SLC44A1: variants seen among roughly 807,000 people sequenced by gnomAD.
SLC44A1 encodes the protein solute carrier family 44 member 1.
A neutral mutation model predicts 79.3 loss-of-function variants in SLC44A1; 26 were observed. That is an observed-to-expected ratio of 0.33 (90% CI 0.24 to 0.46). The LOEUF is 0.46. SLC44A1 is among the 20% of genes least tolerant of loss of function. SLC44A1 has a pLI of 1.00. For missense variants in SLC44A1, 688 were observed against 798.1 expected (o/e 0.86, Z 1.66); for synonymous variants, 263 against 286.2 (o/e 0.92, Z 0.82).
chr9:105,385,003 T>G (rs1265250027), intron 14 of SLC44A1, among the ~76,000 whole-genome samples: 1 of 152,236 alleles, frequency 6.6e-6, no homozygotes, highest in Non-Finnish European at 1.5e-5. Context: ...TTCTTTTACC[T>G]TCTATGGTTA....
chr9:105,278,072 T>C (rs1488523991), intron 1 of SLC44A1, among the ~76,000 whole-genome samples: 2 of 152,064 alleles, frequency 1.3e-5, no homozygotes, highest in Admixed American at 6.5e-5. Context: ...CCTTCTTTTT[T>C]TTTTTTTAAG....
At chr9:105,354,910 C>G (rs189213002) in intron 5 of SLC44A1, among the ~76,000 whole-genome samples, 117 of 152,302 alleles carry the variant, frequency 7.7e-4, no homozygotes, top group African/African-American at 2.8e-3. Flanking sequence ...GATTAGAAAC[C>G]TTGTAGTGCC....
chr9:105,389,398 T>C lies in SLC44A1; in HGVS notation c.*342T>C. The C allele has an allele frequency of 2.9e-6, 3 of 1,048,388 alleles. No individual in the cohort carries two copies. Among genetic ancestry groups the C allele is most frequent in the Non-Finnish European group, 3.5e-6 (3 of 868,248 alleles). The allele number at this position is 1,048,388 out of a possible 1,614,324, so 64.9% of individuals were successfully genotyped here. On this transcript the variant is annotated 3_prime_UTR_variant, in exon 16 of 16. Coordinates refer to ENST00000374720, the MANE Select transcript of SLC44A1 (RefSeq NM_080546.5). ...AATAACTTAGAGGAGATTTTAACTTTATTTAAAAATAGGTAAAATTATTGT... is the reference window on the plus strand; with the variant it reads ...AATAACTTAGAGGAGATTTTAACTTCATTTAAAAATAGGTAAAATTATTGT...
At chr9:105,356,188 G>A (rs182440063) in intron 5 of SLC44A1, 24 bp from the exon 6 acceptor site, 4 of 1,594,916 alleles carry the variant, frequency 2.5e-6, no homozygotes, top group Admixed American at 1.8e-5. Context: ...TTTTTTTTCT[G>A]ATTTTTTTTT....
At chr9:105,298,337 TG>T (rs1830784142) in intron 1 of SLC44A1, among the ~76,000 whole-genome samples, 3 of 146,988 alleles carry the variant, frequency 2.0e-5, no homozygotes, top group African/African-American at 8.2e-5. Flanking sequence ...ATCCCGTTTT[TG>T]TTGTTGTTGT....
At chr9:105,335,896 T>G (rs1588796207) in intron 4 of SLC44A1, among the ~76,000 whole-genome samples, 197 bp downstream of exon 4, 1 of 152,274 alleles carries the variant, frequency 6.6e-6, no homozygotes, top group East Asian at 1.9e-4. Flanking sequence ...CTGGGCAAAA[T>G]TCTGACTGAG....
chr9:105,345,896 A>G (rs746950818), intron 4 of SLC44A1, among the ~76,000 whole-genome samples: 2 of 151,432 alleles, frequency 1.3e-5, no homozygotes, highest in Non-Finnish European at 2.9e-5. Context: ...TTCATTACTC[A>G]TGTATAACTT....
At chr9:105,291,944 A>C (rs1830609903) in intron 1 of SLC44A1, among the ~76,000 whole-genome samples, 1 of 152,162 alleles carries the variant, frequency 6.6e-6, no homozygotes, top group African/African-American at 2.4e-5. Context: ...TAATACTTTT[A>C]TACCTCCCAG....
intron 3 of SLC44A1, among the ~76,000 whole-genome samples, chr9:105,320,984 G>A (rs1005500459): frequency 3.3e-5 from 5 of 152,192 alleles, no homozygotes; most frequent in Admixed American, 3.3e-4. Context: ...TGTTAGGTAA[G>A]TGTTTTGCAA....
intron 2 of SLC44A1, among the ~76,000 whole-genome samples, chr9:105,300,295 A>G (rs745733476): frequency 2.1e-4 from 32 of 152,182 alleles, no homozygotes; most frequent in Non-Finnish European, 2.8e-4. Flanking sequence ...CTGCAGATAC[A>G]TTATTGCTCT....
chr9:105,264,058 G>T (rs1023736911), intron 1 of SLC44A1, among the ~76,000 whole-genome samples: 1 of 152,138 alleles, frequency 6.6e-6, no homozygotes, highest in Non-Finnish European at 1.5e-5. Context: ...AGATTGAGCT[G>T]TCTTCCAACA....
chr9:105,315,814 C>T (rs974635351), intron 3 of SLC44A1, among the ~76,000 whole-genome samples: 4 of 152,166 alleles, frequency 2.6e-5, no homozygotes, highest in Non-Finnish European at 5.9e-5. Context: ...CAGCTAAGCA[C>T]TTGTACAGTG....
chr9:105,307,069 TC>T (rs962894518), intron 2 of SLC44A1, among the ~76,000 whole-genome samples: 1 of 152,182 alleles, frequency 6.6e-6, no homozygotes, highest in African/African-American at 2.4e-5. Flanking sequence ...AGTCTGACTT[TC>T]CCATTCAAAT....
At chr9:105,290,937 A>G (rs930598412) in intron 1 of SLC44A1, among the ~76,000 whole-genome samples, 2 of 152,224 alleles carry the variant, frequency 1.3e-5, no homozygotes, top group African/African-American at 4.8e-5. Context: ...TTACCTTTCC[A>G]TAATGAATTG....
intron 9 of SLC44A1, among the ~76,000 whole-genome samples, chr9:105,363,667 G>A (rs1303954268): frequency 1.3e-5 from 2 of 151,602 alleles, no homozygotes; most frequent in Non-Finnish European, 2.9e-5. Context: ...GTTTCTCCAT[G>A]TTGCCCAGGC....
At position 105,396,909 on chromosome 9, in the gene SLC44A1, A is replaced by C; in HGVS notation, c.*7853A>C. 3.0e-6 allele frequency: 3 copies of C among 985,178 alleles called. No individual in the cohort carries two copies. The highest frequency in any genetic ancestry group is 3.6e-6 in the Non-Finnish European group (3 of 829,728). 61.0% of individuals were successfully genotyped at this position (985,178 alleles called of 1,614,324 possible). A position where few individuals can be genotyped will look rare whatever the true frequency, so the allele number is the denominator to read the frequency against. On this transcript the variant is annotated 3_prime_UTR_variant, in exon 16 of 16. Coordinates refer to ENST00000374720, the MANE Select transcript of SLC44A1 (RefSeq NM_080546.5). ...ATTACAGTGTCACTACACTGTATTC[A>C]TGTGGGGGAACAAACATGTAGGTGC... is the stretch of plus-strand genomic sequence containing the variant.
At chr9:105,245,053 T>G (rs1437609443) in intron 1 of SLC44A1, 149 bp downstream of exon 1, 8 of 267,088 alleles carry the variant, frequency 3.0e-5, no homozygotes, top group Non-Finnish European at 3.3e-5. Context: ...CGCCTTTCCG[T>G]CCGCCGGGTC....
At chr9:105,350,050 A>G (rs779194222) in intron 5 of SLC44A1, among the ~76,000 whole-genome samples, 1 of 152,214 alleles carries the variant, frequency 6.6e-6, no homozygotes, top group Non-Finnish European at 1.5e-5. Context: ...GATTTTAGAG[A>G]TGGACAGAAA....
At chr9:105,372,926 G>T (rs1480218533) in intron 12 of SLC44A1, among the ~76,000 whole-genome samples, 5 of 149,392 alleles carry the variant, frequency 3.3e-5, no homozygotes, top group African/African-American at 1.2e-4. Context: ...CTCCAGCCTG[G>T]GCGACAGAGC....
Sources: gnomAD v4.1 joint callset for allele counts (sites outside exome capture counted in the v4.1 genomes callset) on GRCh38, gnomAD v4.1.1 for gene constraint, MANE v1.5 for transcripts, NCBI Gene and HGNC (gene_info 2026-07-23, HGNC 2026-07-21) for gene names.